Variants in KDM1B observed in about 807,000 individuals in gnomAD.
The protein encoded by KDM1B is lysine-specific histone demethylase 2.
A neutral mutation model predicts 107.4 loss-of-function variants in KDM1B; 63 were observed. That is an observed-to-expected ratio of 0.59 (90% CI 0.48 to 0.72). The LOEUF is 0.72. KDM1B is among the 30% of genes least tolerant of loss of function. The pLI, the probability that KDM1B is intolerant of heterozygous loss-of-function variation, is 0.00. For missense variants in KDM1B, 749 were observed against 1,020.8 expected, an observed-to-expected ratio of 0.73 and a Z score of 3.63; for synonymous variants, 363 against 363.9, an observed-to-expected ratio of 1.00 and a Z score of 0.03.
intron 7 of KDM1B, among the ~76,000 whole-genome samples, chr6:18,173,811 AG>A (rs1785816865): frequency 6.6e-6 from 1 of 151,978 alleles, no homozygotes; most frequent in African/African-American, 2.4e-5. Context: ...TTTTAGATGG[AG>A]TCTTGCTCTG....
chr6:18,161,472 T>A lies in KDM1B; in HGVS notation c.215+18T>A, dbSNP rs759970686. On this transcript the variant is annotated intron_variant, in intron 4 of 21. Transcript: ENST00000650836. ...TCTGAAAGGTCTGTTTAGATGTGTG[T>A]CTTGGCCTCCCATTTCTGCTTGTGA... 7.4e-6 allele frequency: 12 copies of A among 1,611,514 alleles called. No homozygotes were observed. Among genetic ancestry groups the A allele is most frequent in the Non-Finnish European group, 8.5e-6 (10 of 1,179,018 alleles).
chr6:18,223,333 A>ACTGC lies in KDM1B; in HGVS notation c.*1342_*1343insTGCC, dbSNP rs1301657302. 1.1e-3 allele frequency: 77 copies of ACTGC among 68,288 alleles called. 1 individual carries two copies. Among genetic ancestry groups the ACTGC allele is most frequent in the African/African-American group, 3.6e-3 (71 of 19,912 alleles). The allele number at this position is 68,288 out of a possible 1,614,324, so 4.2% of individuals were successfully genotyped here. A position where few individuals can be genotyped will look rare whatever the true frequency, so the allele number is the denominator to read the frequency against. On this transcript the variant is annotated 3_prime_UTR_variant, in exon 22 of 22. Transcript: ENST00000650836. Reference sequence around the variant, plus strand: ...CTCAGGCATTTAAGACACCTCCCCCACCGCCCGCCCCCCGCCCCCCCCAAT... The same window carrying ACTGC: ...CTCAGGCATTTAAGACACCTCCCCCACTGCCCGCCCGCCCCCCGCCCCCCCCAAT...
chr6:18,184,568 C>T (rs762203446), intron 7 of KDM1B, among the ~76,000 whole-genome samples: 4 of 151,898 alleles, frequency 2.6e-5, no homozygotes, highest in Admixed American at 6.6e-5. Context: ...AGCCACTGCA[C>T]GGGGCCTGTT....
intron 10 of KDM1B, among the ~76,000 whole-genome samples, chr6:18,193,298 CTTTT>C (rs61133563): frequency 0.083 from 7,501 of 89,886 alleles, 509 homozygotes; most frequent in African/African-American, 0.27. Flanking sequence ...TGTGTGCTTT[CTTTT>C]TTTTTTTTTT....
intron 12 of KDM1B, among the ~76,000 whole-genome samples, chr6:18,198,817 TC>T (rs1269856532): frequency 6.6e-6 from 1 of 150,894 alleles, no homozygotes; most frequent in African/African-American, 2.4e-5. Context: ...GTTATTAAAA[TC>T]CAAAATCTAG....
chr6:18,198,652 AAAAAAC>A (rs1561939731), intron 12 of KDM1B, among the ~76,000 whole-genome samples: 1 of 143,082 alleles, frequency 7.0e-6, no homozygotes, highest in Non-Finnish European at 1.5e-5. Context: ...AAAAAAAAAA[AAAAAAC>A]AAAACGCCCT....
In KDM1B at chr6:18,221,424, C is replaced by T. The variant is rs145679344; in HGVS notation, c.2386-485C>T. On this transcript the variant is annotated intron_variant, in intron 21 of 21. Coordinates refer to ENST00000650836, the MANE Select transcript of KDM1B (RefSeq NM_001364614.2). Reference sequence around the variant, plus strand: ...TCCTATTATTGAGTCGTTTTACTTCCTCCCAATCCAACAGCCCTCACTCAC... The same window carrying T: ...TCCTATTATTGAGTCGTTTTACTTCTTCCCAATCCAACAGCCCTCACTCAC... 1.8e-4 allele frequency among the ~76,000 whole-genome samples: 27 copies of T among 152,278 alleles called. 1 individual carries two copies. The East Asian group carries it at 3.7e-3, about 21-fold the overall frequency.
chr6:18,178,376 G>A (rs759385784), intron 7 of KDM1B, among the ~76,000 whole-genome samples: 44 of 151,506 alleles, frequency 2.9e-4, no homozygotes, highest in South Asian at 4.2e-4. Flanking sequence ...ATGAGCCACC[G>A]CACCCGGCCT....
chr6:18,221,004 C>CA (rs377054702), intron 21 of KDM1B, among the ~76,000 whole-genome samples: 1 of 152,096 alleles, frequency 6.6e-6, no homozygotes, highest in African/African-American at 2.4e-5. Context: ...ACCTGCCTCC[C>CA]AAAGTGTTGG....
chr6:18,215,003 C>T lies in KDM1B; in HGVS notation c.2110-4C>T, dbSNP rs746431227. ...ACCTCCTGCTTTTCCTTTCATGTCT[C>T]CAGAAGAAGCACAGCGTGCTGATGT... On this transcript the variant is annotated splice_region_variant and splice_polypyrimidine_tract_variant and intron_variant, in intron 19 of 21. Coordinates refer to ENST00000650836, the MANE Select transcript of KDM1B (RefSeq NM_001364614.2). 6.2e-7 allele frequency: 1 copy of T among 1,613,766 alleles called. No individual in the cohort carries two copies. Among genetic ancestry groups the T allele is most frequent in the East Asian group, 2.2e-5 (1 of 44,848 alleles).
At chr6:18,202,671 A>G (rs1305357119) in intron 14 of KDM1B, among the ~76,000 whole-genome samples, 1 of 152,190 alleles carries the variant, frequency 6.6e-6, no homozygotes, top group Non-Finnish European at 1.5e-5. Flanking sequence ...AATTTGCTTC[A>G]ACTGTATGTT....
At chr6:18,207,564 T>G (rs1228931848) in intron 16 of KDM1B, 35 bp downstream of exon 16, 4 of 1,611,410 alleles carry the variant, frequency 2.5e-6, no homozygotes, top group Non-Finnish European at 3.4e-6. Context: ...CTGGCTCGCC[T>G]TGTTTGGGGA....
chr6:18,182,758 T>C (rs1353967966), intron 7 of KDM1B, among the ~76,000 whole-genome samples: 1 of 152,120 alleles, frequency 6.6e-6, no homozygotes, highest in Non-Finnish European at 1.5e-5. Context: ...CTCAAACTCC[T>C]GGCCTCAAGT....
chr6:18,222,253 G>A lies in KDM1B; in HGVS notation c.*261G>A, dbSNP rs139997724. The A allele has an allele frequency of 3.6e-4, 206 of 568,200 alleles. No homozygotes were observed. The highest frequency in any genetic ancestry group is 3.4e-3 in the African/African-American group (186 of 54,020). The allele number at this position is 568,200 out of a possible 1,614,324, so 35.2% of individuals were successfully genotyped here. ...TCTGGATTTCAGAATAAAGCAGAAT[G>A]TAAGTTTCAGTTGAGGCCATGGATT... On this transcript the variant is annotated 3_prime_UTR_variant, in exon 22 of 22. Transcript: ENST00000650836.
Position 18,209,584 on chromosome 6 carries a change from T to A in KDM1B, c.1866+1378T>A, listed in dbSNP as rs1788679686. Among the ~76,000 whole-genome samples, 1 of 152,158 alleles carries A rather than the reference T, an allele frequency of 6.6e-6. No individual in the cohort carries two copies. The highest frequency in any genetic ancestry group is 1.5e-5 in the Non-Finnish European group (1 of 68,032). On this transcript the variant is annotated intron_variant, in intron 17 of 21. Transcript: ENST00000650836. The surrounding 1 kb of genome is among the most constrained non-coding windows in gnomAD (Gnocchi z 4.3). ...GCTGGAAAGCCCCACCCTGATGCGT[T>A]CTTGTTGAATTGGCCTCGCTTTTTT... is the stretch of plus-strand genomic sequence containing the variant.
At chr6:18,210,342 CTTTTTTTTTTTTTTTTTTTT>C (rs533016543) in intron 17 of KDM1B, among the ~76,000 whole-genome samples, 4 of 69,988 alleles carry the variant, frequency 5.7e-5, no homozygotes, top group African/African-American at 1.1e-4. Flanking sequence ...TCTTTCTTTT[CTTTTTTTTTTTTTTTTTTTT>C]TTTTTTTTTT....
Position 18,204,205 on chromosome 6 carries a change from T to C in KDM1B, c.1532-1332T>C, listed in dbSNP as rs12204034. The stretch of plus-strand genomic sequence containing the variant: ...CTAGTCAGAGAAGTGTGTGACACTC[T>C]GTTAAACTTGGGATTACACCTGTAA... On this transcript the variant is annotated intron_variant, in intron 14 of 21. Coordinates refer to ENST00000650836, the MANE Select transcript of KDM1B (RefSeq NM_001364614.2). This position sits in a 1 kb window ranked among gnomAD's most constrained non-coding sequence, Gnocchi z 4.9. 0.014 allele frequency among the ~76,000 whole-genome samples: 2,088 copies of C among 152,254 alleles called. 28 individuals carry two copies. Among genetic ancestry groups the C allele is most frequent in the Non-Finnish European group, 0.022 (1,475 of 68,010 alleles).
Position 18,201,386 on chromosome 6 carries a change from C to A in KDM1B, c.1360-100C>A. ...AGCTTTATTTTTGAGAGATATGAGA[C>A]CATTTTCTCCATGAGAGCTCTGTCT... On this transcript the variant is annotated intron_variant, in intron 13 of 21. Transcript: ENST00000650836. This position sits in a 1 kb window ranked among gnomAD's most constrained non-coding sequence, Gnocchi z 4.3. 1.2e-6 allele frequency: 1 copy of A among 821,148 alleles called. No individual in the cohort carries two copies. Among genetic ancestry groups the A allele is most frequent in the Non-Finnish European group, 1.9e-6 (1 of 529,322 alleles). 50.9% of individuals were successfully genotyped at this position (821,148 alleles called of 1,614,324 possible).
At chr6:18,168,682 A>G (rs1049670733) in intron 6 of KDM1B, among the ~76,000 whole-genome samples, 1 of 151,714 alleles carries the variant, frequency 6.6e-6, no homozygotes, top group East Asian at 1.9e-4. Context: ...ACTCTTTTCC[A>G]TAGTTCCTGT....
Sources: allele counts gnomAD v4.1 joint callset (sites outside exome capture counted in the v4.1 genomes callset), GRCh38; gene constraint gnomAD v4.1.1; non-coding constraint Gnocchi (gnomAD v3.1); transcripts MANE v1.5; gene names NCBI Gene and HGNC (gene_info 2026-07-23, HGNC 2026-07-21).